Variants in SPTSSB observed in about 807,000 individuals in gnomAD.
SPTSSB encodes serine palmitoyltransferase small subunit B, also known as androgen down regulated in mouse prostate.
A neutral mutation model predicts 7.7 loss-of-function variants in SPTSSB; 6 were observed. The ratio of observed to expected loss-of-function variants is 0.78; its 90% CI spans 0.43 to 1.54. The LOEUF (loss-of-function observed/expected upper bound fraction) is 1.54, where lower values mean the gene tolerates loss of function less well. Among genes scored for constraint, SPTSSB ranks in the 40% most tolerant of loss-of-function variants. SPTSSB has a pLI of 0.01. For synonymous variants in SPTSSB, 28 were observed against 29.7 expected (o/e 0.94, Z 0.19); for missense variants, 91 against 93.0 (o/e 0.98, Z 0.09).
At chr3:161,349,115 A>G (rs916770475) in intron 2 of SPTSSB, among the ~76,000 whole-genome samples, 1 of 152,178 alleles carries the variant, frequency 6.6e-6, no homozygotes. Context: ...GAGTACTACT[A>G]TGTGGCTCCT....
intron 2 of SPTSSB, among the ~76,000 whole-genome samples, chr3:161,349,570 G>A (rs977424043): frequency 3.9e-5 from 6 of 152,218 alleles, no homozygotes; most frequent in Non-Finnish European, 7.3e-5. Context: ...ATATGGAAAA[G>A]AAGGAGAGAG....
intron 2 of SPTSSB, among the ~76,000 whole-genome samples, chr3:161,351,451 C>G (rs1030712188): frequency 5.9e-5 from 9 of 152,158 alleles, no homozygotes; most frequent in African/African-American, 1.9e-4. Flanking sequence ...TACTTCCTAT[C>G]TGGAAAATTT....
intron 2 of SPTSSB, among the ~76,000 whole-genome samples, chr3:161,353,985 G>A (rs2108159099): frequency 6.6e-6 from 1 of 152,160 alleles, no homozygotes. Context: ...TGGAGTCCAA[G>A]TTTTTAGGGG....
chr3:161,368,804 A>T (rs571389366), intron 1 of SPTSSB, among the ~76,000 whole-genome samples: 1 of 152,230 alleles, frequency 6.6e-6, no homozygotes, highest in Non-Finnish European at 1.5e-5. Context: ...TGGATATGTT[A>T]TGTAAATAAA....
chr3:161,360,805 A>T (rs188177870), intron 1 of SPTSSB, among the ~76,000 whole-genome samples: 52 of 152,344 alleles, frequency 3.4e-4, no homozygotes, highest in African/African-American at 1.2e-3. Flanking sequence ...ATTGGTAAAG[A>T]TAAGATTGGA....
chr3:161,348,720 A>G (rs911998032), intron 2 of SPTSSB, among the ~76,000 whole-genome samples: 1 of 152,106 alleles, frequency 6.6e-6, no homozygotes, highest in African/African-American at 2.4e-5. Flanking sequence ...GCCAGTTACC[A>G]CAATCTCAGC....
chr3:161,351,601 G>C (rs945033608), intron 2 of SPTSSB, among the ~76,000 whole-genome samples: 12 of 152,020 alleles, frequency 7.9e-5, no homozygotes, highest in African/African-American at 2.7e-4. Context: ...CACACACAGA[G>C]AGAGAGAGAG....
At chr3:161,368,164 A>G (rs553387048) in intron 1 of SPTSSB, among the ~76,000 whole-genome samples, 4 of 152,176 alleles carry the variant, frequency 2.6e-5, no homozygotes, top group Non-Finnish European at 5.9e-5. Flanking sequence ...CACATAAACT[A>G]TTGGTCAAAT....
intron 2 of SPTSSB, among the ~76,000 whole-genome samples, chr3:161,356,307 T>C (rs1225523420): frequency 6.6e-6 from 1 of 152,238 alleles, no homozygotes; most frequent in Non-Finnish European, 1.5e-5. Context: ...TTGTTTTTCT[T>C]AAGAGCTAGA....
At chr3:161,360,528 G>T (rs1714962697) in intron 1 of SPTSSB, among the ~76,000 whole-genome samples, 1 of 152,124 alleles carries the variant, frequency 6.6e-6, no homozygotes, top group Admixed American at 6.5e-5. Context: ...AATTAAATGA[G>T]AAAATATCTG....
In SPTSSB at chr3:161,345,309, GAA is replaced by G. The variant is rs1393129637; in HGVS notation, c.*782_*783del. On this transcript the variant is annotated 3_prime_UTR_variant, in exon 3 of 3. Coordinates refer to ENST00000620149, the MANE Select transcript of SPTSSB (RefSeq NM_001040100.2). ...TCTACACTGAATGAAAGTACAAAAA[GAA>G]AACCATTTCTTTTCTCTTTTTCCCC... 7 of 152,516 alleles carry G rather than the reference GAA, an allele frequency of 4.6e-5. No homozygotes were observed. Among genetic ancestry groups the G allele is most frequent in the African/African-American group, 1.7e-4 (7 of 41,428 alleles). 9.4% of individuals were successfully genotyped at this position (152,516 alleles called of 1,614,324 possible).
At chr3:161,363,578 T>C (rs1715099089) in intron 1 of SPTSSB, among the ~76,000 whole-genome samples, 1 of 152,098 alleles carries the variant, frequency 6.6e-6, no homozygotes, top group South Asian at 2.1e-4. Flanking sequence ...ATAAAAATTA[T>C]AAAATATTAT....
At chr3:161,356,411 A>T (rs1218639344) in intron 2 of SPTSSB, among the ~76,000 whole-genome samples, 1 of 152,110 alleles carries the variant, frequency 6.6e-6, no homozygotes, top group Non-Finnish European at 1.5e-5. Flanking sequence ...TTATCCAGTG[A>T]ATAATTTGAG....
rs1159762203 is a variant in SPTSSB, at chr3:161,358,857, T to G, written c.-33+945A>C. ...TTTGAATTAGTAAAATCAAGGCTTG[T>G]TATCAATAATGTTAAAGTAATATTG... On this transcript the variant is annotated intron_variant, in intron 2 of 2. Coordinates refer to ENST00000620149, the MANE Select transcript of SPTSSB (RefSeq NM_001040100.2). Among the ~76,000 whole-genome samples the G allele has an allele frequency of 2.6e-5, 4 of 152,350 alleles. No individual in the cohort carries two copies. The East Asian group carries it at 7.7e-4, about 29-fold the overall frequency.
At chr3:161,361,769 G>A (rs1330237536) in intron 1 of SPTSSB, among the ~76,000 whole-genome samples, 4 of 152,094 alleles carry the variant, frequency 2.6e-5, no homozygotes, top group African/African-American at 9.7e-5. Flanking sequence ...CCTTTTAGGT[G>A]ATTCTACTGA....
At chr3:161,357,204 T>A (rs955452209) in intron 2 of SPTSSB, among the ~76,000 whole-genome samples, 10 of 152,172 alleles carry the variant, frequency 6.6e-5, no homozygotes, top group Non-Finnish European at 8.8e-5. Context: ...ATAGTCAAAT[T>A]CATGAGTATT....
chr3:161,354,243 A>G (rs927233413), intron 2 of SPTSSB, among the ~76,000 whole-genome samples: 4 of 152,232 alleles, frequency 2.6e-5, no homozygotes, highest in Non-Finnish European at 4.4e-5. Flanking sequence ...TAGAAGGAAA[A>G]AGTCTCACTA....
chr3:161,354,698 A>G (rs1714691109), intron 2 of SPTSSB, among the ~76,000 whole-genome samples: 1 of 152,246 alleles, frequency 6.6e-6, no homozygotes, highest in Non-Finnish European at 1.5e-5. Context: ...AAGCAAAACA[A>G]TTTAAAAAAC....
intron 1 of SPTSSB, among the ~76,000 whole-genome samples, chr3:161,365,613 A>G (rs1280724238): frequency 2.0e-5 from 3 of 152,238 alleles, no homozygotes; most frequent in Non-Finnish European, 4.4e-5. Context: ...GTAGCTGCTC[A>G]ATCAAAATTT....
Sources: allele counts gnomAD v4.1 joint callset (sites outside exome capture counted in the v4.1 genomes callset), GRCh38; gene constraint gnomAD v4.1.1; transcripts MANE v1.5; gene names NCBI Gene and HGNC (gene_info 2026-07-23, HGNC 2026-07-21).